The following ZNF609 variants were observed in gnomAD, a reference collection of about 807,000 sequenced individuals.
ZNF609 encodes the protein zinc finger protein 609.
ZNF609 carries 11 observed loss-of-function variants against 109.5 expected under a neutral mutation model. The ratio of observed to expected loss-of-function variants is 0.10; its 90% CI spans 0.06 to 0.17. ZNF609 has a LOEUF of 0.17. Among genes scored for constraint, ZNF609 ranks in the 10% least tolerant of loss-of-function variants. The pLI is 1.00. For missense variants in ZNF609, 1,559 were observed against 1,772.4 expected (o/e 0.88, Z 2.16); for synonymous variants, 646 against 662.0 (o/e 0.98, Z 0.37).
intron 1 of ZNF609, among the ~76,000 whole-genome samples, chr15:64,496,858 G>A (rs921506667): frequency 3.3e-5 from 5 of 151,616 alleles, no homozygotes; most frequent in Admixed American, 2.0e-4. Context: ...CTGTCACCCA[G>A]GCTGGAGTGA....
chr15:64,587,822 T>C (rs951938056), intron 2 of ZNF609, among the ~76,000 whole-genome samples: 1 of 152,082 alleles, frequency 6.6e-6, no homozygotes, highest in Non-Finnish European at 1.5e-5. Context: ...TGTCTCCAGG[T>C]TAATTTTTCT....
At chr15:64,544,019 G>GA (rs1042792713) in intron 2 of ZNF609, among the ~76,000 whole-genome samples, 2 of 151,678 alleles carry the variant, frequency 1.3e-5, no homozygotes, top group Non-Finnish European at 2.9e-5. Context: ...ATGTTAAAAA[G>GA]AAAAAAAATC....
intron 2 of ZNF609, among the ~76,000 whole-genome samples, chr15:64,537,824 C>G (rs534747549): frequency 6.6e-6 from 1 of 152,000 alleles, no homozygotes; most frequent in African/African-American, 2.4e-5. Context: ...GGGCTGGGCG[C>G]GGTGGCTCTC....
At chr15:64,483,242 T>C (rs1344934298) in intron 1 of ZNF609, among the ~76,000 whole-genome samples, 1 of 152,134 alleles carries the variant, frequency 6.6e-6, no homozygotes, top group Non-Finnish European at 1.5e-5. Context: ...ATTACAGGCA[T>C]GTGCCACCAC....
chr15:64,469,819 C>T (rs777410431), intron 1 of ZNF609, among the ~76,000 whole-genome samples: 2 of 152,052 alleles, frequency 1.3e-5, no homozygotes, highest in African/African-American at 2.4e-5. Flanking sequence ...AGCTTGAGGT[C>T]AGGAGTTGAG....
At chr15:64,566,658 G>A (rs186775669) in intron 2 of ZNF609, among the ~76,000 whole-genome samples, 25 of 152,350 alleles carry the variant, frequency 1.6e-4, no homozygotes, top group African/African-American at 6.0e-4. Flanking sequence ...AAAGGAAACA[G>A]ATATAGAAGA....
chr15:64,492,095 T>C (rs1893421144), intron 1 of ZNF609, among the ~76,000 whole-genome samples: 1 of 151,198 alleles, frequency 6.6e-6, no homozygotes, highest in South Asian at 2.1e-4. Context: ...TACAAAAAAT[T>C]AGCCAGGAGT....
At chr15:64,585,125 G>A (rs1895175093) in intron 2 of ZNF609, among the ~76,000 whole-genome samples, 1 of 151,082 alleles carries the variant, frequency 6.6e-6, no homozygotes, top group Non-Finnish European at 1.5e-5. Flanking sequence ...AGGAGTTTGA[G>A]ACCATCCTGG....
At chr15:64,516,276 A>G (rs1023405137) in intron 2 of ZNF609, among the ~76,000 whole-genome samples, 32 of 152,282 alleles carry the variant, frequency 2.1e-4, no homozygotes, top group Non-Finnish European at 4.1e-4. Flanking sequence ...CCCCTGGAGT[A>G]TATTTTTTAA....
At position 64,600,232 on chromosome 15, in the gene ZNF609, C is replaced by T. The variant is rs535178966; in HGVS notation, c.748-22595C>T. Among the ~76,000 whole-genome samples the T allele has an allele frequency of 1.4e-4, 22 of 152,016 alleles. No individual in the cohort carries two copies. In the South Asian group the frequency reaches 2.1e-3, roughly 14 times the overall value. On this transcript the variant is annotated intron_variant, in intron 2 of 9. Transcript: ENST00000326648. The stretch of plus-strand genomic sequence containing the variant: ...TTGGGAGGCCAAGGCTGGCGGATCA[C>T]GAGGTCAGGAGATCGAGACCATCCT...
At chr15:64,575,609 TTATTC>T (rs1894938400) in intron 2 of ZNF609, among the ~76,000 whole-genome samples, 1 of 152,210 alleles carries the variant, frequency 6.6e-6, no homozygotes, top group Non-Finnish European at 1.5e-5. Context: ...TTCTCTTTTC[TTATTC>T]ATGGTTTTGG....
At chr15:64,468,009 CTT>C (rs796251076) in intron 1 of ZNF609, among the ~76,000 whole-genome samples, 2 of 143,310 alleles carry the variant, frequency 1.4e-5, no homozygotes, top group African/African-American at 5.1e-5. Context: ...TACTAGTATG[CTT>C]TTTTTTTTTT....
At chr15:64,495,847 T>A (rs1893475229) in intron 1 of ZNF609, among the ~76,000 whole-genome samples, 1 of 151,170 alleles carries the variant, frequency 6.6e-6, no homozygotes, top group Admixed American at 6.6e-5. Context: ...GAGACACAAT[T>A]TCATTCTGTC....
At chr15:64,583,897 T>G (rs533790645) in intron 2 of ZNF609, among the ~76,000 whole-genome samples, 1 of 152,192 alleles carries the variant, frequency 6.6e-6, no homozygotes. Context: ...TTTGAATGTT[T>G]GCTAACAGTT....
At chr15:64,615,126 T>C (rs1895779683) in intron 2 of ZNF609, among the ~76,000 whole-genome samples, 1 of 149,484 alleles carries the variant, frequency 6.7e-6, no homozygotes, top group Admixed American at 6.7e-5. Context: ...CTGTTTTGTT[T>C]TGTTTTGTTT....
At chr15:64,656,090 G>C (rs1165034247) in intron 3 of ZNF609, among the ~76,000 whole-genome samples, 1 of 151,930 alleles carries the variant, frequency 6.6e-6, no homozygotes, top group African/African-American at 2.4e-5. Context: ...TTGAGACTGA[G>C]TCTCACTCTG....
At chr15:64,548,828 T>G (rs1894412607) in intron 2 of ZNF609, among the ~76,000 whole-genome samples, 3 of 152,192 alleles carry the variant, frequency 2.0e-5, no homozygotes, top group Admixed American at 2.0e-4. Flanking sequence ...AGAGAGTTAT[T>G]TGTTCTGCAT....
intron 2 of ZNF609, among the ~76,000 whole-genome samples, chr15:64,588,028 C>T (rs1895226505): frequency 6.6e-6 from 1 of 151,826 alleles, no homozygotes; most frequent in Admixed American, 6.6e-5. Context: ...GCATGAGCCA[C>T]TGCCCAGCCA....
chr15:64,491,739 G>T (rs189034826), intron 1 of ZNF609, among the ~76,000 whole-genome samples: 60 of 152,220 alleles, frequency 3.9e-4, no homozygotes, highest in African/African-American at 1.1e-3. Context: ...CAGCTACTCG[G>T]GAGGCTGAGG....
Sources: allele counts gnomAD v4.1 joint callset (sites outside exome capture counted in the v4.1 genomes callset), GRCh38; gene constraint gnomAD v4.1.1; transcripts MANE v1.5; gene names NCBI Gene and HGNC (gene_info 2026-07-23, HGNC 2026-07-21).